The following CHRNA3 variants were observed in gnomAD, a reference collection of about 807,000 sequenced individuals.
The protein encoded by CHRNA3 is cholinergic receptor nicotinic alpha 3 subunit.
CHRNA3 carries 34 observed loss-of-function variants against 41.9 expected under a neutral mutation model. That is an observed-to-expected ratio of 0.81 (90% CI 0.62 to 1.08). CHRNA3 has a LOEUF of 1.08. Among genes scored for constraint, CHRNA3 ranks in the 50% least tolerant of loss-of-function variants. CHRNA3 has a pLI of 0.00. For missense variants in CHRNA3, 542 were observed against 638.3 expected (o/e 0.85, Z 1.63); for synonymous variants, 281 against 265.2 (o/e 1.06, Z -0.58).
Position 78,602,147 on chromosome 15 carries a change from G to A in CHRNA3, c.495C>T (p.Tyr165=), listed in dbSNP as rs1381208399. The A allele has an allele frequency of 2.5e-6, 4 of 1,614,118 alleles. No individual in the cohort carries two copies. The highest frequency in any genetic ancestry group is 3.4e-6 in the Non-Finnish European group (4 of 1,180,030). Residue 165 remains tyrosine (Y), a synonymous_variant, in exon 5 of 6, where the codon TAC becomes TAT. Transcript: ENST00000326828. ...TACAGTTTTGGTAATCAAACGGGAA[G>A]TAGGTCACGTCGATTTTACAGGAGC... ...FKSSCKIDVT[Y]FPFDYQNCTM...
At chr15:78,610,115 C>T (rs951029359) in intron 4 of CHRNA3, among the ~76,000 whole-genome samples, 3 of 152,166 alleles carry the variant, frequency 2.0e-5, no homozygotes, top group African/African-American at 7.2e-5. Flanking sequence ...TAGACTCCCA[C>T]ACAATAATAA....
intron 4 of CHRNA3, among the ~76,000 whole-genome samples, chr15:78,603,685 T>C (rs781026487): frequency 6.6e-6 from 1 of 152,088 alleles, no homozygotes; most frequent in African/African-American, 2.4e-5. Context: ...GCTTCTTCCT[T>C]GCTAGTCTCT....
chr15:78,604,041 C>G (rs112380178), intron 4 of CHRNA3, among the ~76,000 whole-genome samples: 5,073 of 152,228 alleles, frequency 0.033, 287 homozygotes, highest in African/African-American at 0.12. Flanking sequence ...CAATTCCATA[C>G]AGCATCCTGG....
chr15:78,614,855 T>C (rs2053438260), intron 4 of CHRNA3, among the ~76,000 whole-genome samples: 1 of 152,214 alleles, frequency 6.6e-6, no homozygotes, highest in Admixed American at 6.5e-5. Flanking sequence ...AGAGCTTAAA[T>C]GTGGGAAGTA....
At chr15:78,609,189 C>T (rs2053344390) in intron 4 of CHRNA3, among the ~76,000 whole-genome samples, 1 of 152,240 alleles carries the variant, frequency 6.6e-6, no homozygotes, top group Non-Finnish European at 1.5e-5. Context: ...CCCAATCTAG[C>T]AAGGCAGGCC....
At chr15:78,600,888 A>G (rs2053186946) in intron 5 of CHRNA3, among the ~76,000 whole-genome samples, 2 of 152,098 alleles carry the variant, frequency 1.3e-5, no homozygotes, top group Admixed American at 1.3e-4. Context: ...ATAAAAATAA[A>G]AATATAACCT....
In CHRNA3 at chr15:78,613,144, T is replaced by C. The variant is rs552412406; in HGVS notation, c.377+3880A>G. ...GTGGGAGTGTAAACTAGTTCAACCA[T>C]TGTGGAAGTCAGTGTGCCGATTCCT... On this transcript the variant is annotated intron_variant, in intron 4 of 5. Coordinates refer to ENST00000326828, the MANE Select transcript of CHRNA3 (RefSeq NM_000743.5). 1.3e-3 allele frequency among the ~76,000 whole-genome samples: 194 copies of C among 152,316 alleles called. 2 individuals carry two copies. Among genetic ancestry groups the C allele is most frequent in the Non-Finnish European group, 1.8e-3 (124 of 68,036 alleles).
intron 5 of CHRNA3, among the ~76,000 whole-genome samples, chr15:78,598,392 TTA>T (rs1317508247): frequency 1.3e-5 from 2 of 151,514 alleles, no homozygotes; most frequent in African/African-American, 4.8e-5. Flanking sequence ...GACAGAAATT[TTA>T]TATCTTTTTT....
At position 78,597,709 on chromosome 15, in the gene CHRNA3, TAGGA is replaced by T. The variant is rs148402811; in HGVS notation, c.1390-981_1390-978del. Among the ~76,000 whole-genome samples, 774 of 152,204 alleles carry T rather than the reference TAGGA, an allele frequency of 5.1e-3. 7 individuals are homozygous for T. Among genetic ancestry groups the T allele is most frequent in the African/African-American group, 0.018 (746 of 41,520 alleles). The stretch of plus-strand genomic sequence containing the variant: ...ATACAGCTTCAATTTGGGCTTGAAA[TAGGA>T]AGGAAAATTGTAATTATACTCCTAG... On this transcript the variant is annotated intron_variant, in intron 5 of 5. Transcript: ENST00000326828.
Position 78,617,146 on chromosome 15 carries a change from A to G in CHRNA3, c.268-13T>C. On this transcript the variant is annotated splice_polypyrimidine_tract_variant and intron_variant, in intron 3 of 5. Transcript: ENST00000326828. ...AGTCATTCCAGATCTCGGGGAAGGA[A>G]GCAGGGAGGGAGAAGGAGACGGTAA... 6.4e-7 allele frequency: 1 copy of G among 1,555,304 alleles called. No individual in the cohort carries two copies. Among genetic ancestry groups the G allele is most frequent in the Non-Finnish European group, 8.9e-7 (1 of 1,127,578 alleles).
chr15:78,620,471 G>GC (rs1207318123), intron 1 of CHRNA3, among the ~76,000 whole-genome samples: 1 of 151,114 alleles, frequency 6.6e-6, no homozygotes, highest in Admixed American at 6.6e-5. Context: ...GCGCGTACCA[G>GC]CGCCCGCTCA....
intron 4 of CHRNA3, among the ~76,000 whole-genome samples, chr15:78,603,564 A>G (rs2141328391): frequency 6.6e-6 from 1 of 152,172 alleles, no homozygotes; most frequent in East Asian, 1.9e-4. Flanking sequence ...CAACTGCCAT[A>G]CTCCTTTGCC....
intron 4 of CHRNA3, among the ~76,000 whole-genome samples, chr15:78,609,381 C>T (rs1256994749): frequency 4.6e-5 from 7 of 152,266 alleles, no homozygotes; most frequent in Non-Finnish European, 5.9e-5. Context: ...GCAGATCTCT[C>T]GGCAGATACT....
intron 5 of CHRNA3, among the ~76,000 whole-genome samples, chr15:78,600,432 C>A (rs2053179821): frequency 6.6e-6 from 1 of 152,140 alleles, no homozygotes; most frequent in South Asian, 2.1e-4. Flanking sequence ...CATTGGGGAA[C>A]TTTCTAGGGG....
At chr15:78,618,421 C>T in intron 3 of CHRNA3, 196 bp downstream of exon 3, 1 of 613,154 alleles carries the variant, frequency 1.6e-6, no homozygotes, top group Non-Finnish European at 2.9e-6. Flanking sequence ...TTGGGCCCTA[C>T]AGTCCTTCCA....
chr15:78,601,930 G>A lies in CHRNA3; in HGVS notation c.712C>T (p.Arg238Trp), dbSNP rs199887463. Residue 238 changes from arginine (R) to tryptophan (W), a missense_variant, in exon 5 of 6, where the codon CGG becomes TGG. Arg to Trp is a moderately radical substitution (Grantham distance 101). Coordinates refer to ENST00000326828, the MANE Select transcript of CHRNA3 (RefSeq NM_000743.5). ...ATGGTGTAGAACAAGGGCAGGCGCCGGATGTACAGCGAGTATGTGATGTCG... is the reference window on the plus strand; with the variant it reads ...ATGGTGTAGAACAAGGGCAGGCGCCAGATGTACAGCGAGTATGTGATGTCG... ...YPDITYSLYI[R>W]RLPLFYTINL... is the part of the protein sequence containing the mutation. 3.4e-5 allele frequency: 54 copies of A among 1,611,290 alleles called. No homozygotes were observed. In the South Asian group the frequency reaches 3.7e-4, roughly 11 times the overall value.
chr15:78,617,185 G>C (rs766931192), intron 3 of CHRNA3, 52 bp from the exon 4 acceptor site: 2 of 1,294,810 alleles, frequency 1.5e-6, no homozygotes, highest in East Asian at 4.7e-5. Context: ...AATCAGCCTG[G>C]TTTTACTTCC....
At chr15:78,613,778 A>AAAAAAAAAAAAC (rs2053420883) in intron 4 of CHRNA3, among the ~76,000 whole-genome samples, 3 of 126,432 alleles carry the variant, frequency 2.4e-5, no homozygotes, top group Non-Finnish European at 4.8e-5. Flanking sequence ...AAAAAAAACC[A>AAAAAAAAAAAAC]AAAAAAACCA....
chr15:78,602,106 G>T lies in CHRNA3; in HGVS notation c.536C>A (p.Ser179Tyr). The change falls in exon 5 of 6, where the codon TCC becomes TAC. Residue 179 changes from serine to tyrosine, a missense_variant. Transcript: ENST00000326828. The part of the protein sequence containing the change: ...DYQNCTMKFG[S>Y]WSYDKAKIDL... The stretch of plus-strand genomic sequence containing the variant: ...GATTTTCGCCTTATCGTAGGACCAG[G>T]AACCGAACTTCATGGTACAGTTTTG... 1 of 1,614,112 alleles carries T rather than the reference G, an allele frequency of 6.2e-7. No individual in the cohort carries two copies. Among genetic ancestry groups the T allele is most frequent in the African/African-American group, 1.3e-5 (1 of 75,008 alleles).
Sources: gnomAD v4.1 joint callset for allele counts (sites outside exome capture counted in the v4.1 genomes callset) on GRCh38, gnomAD v4.1.1 for gene constraint, MANE v1.5 for transcripts, NCBI Gene and HGNC (gene_info 2026-07-23, HGNC 2026-07-21) for gene names.